The following TMEM53 variants were observed in gnomAD, a reference collection of about 807,000 sequenced individuals.
TMEM53 encodes transmembrane protein 53, also known as novel DUF829 domain-containing protein.
Under a neutral mutation model 21.4 loss-of-function variants are expected in TMEM53, and 14 were observed. The ratio of observed to expected loss-of-function variants is 0.65; its 90% CI spans 0.43 to 1.02. The LOEUF (loss-of-function observed/expected upper bound fraction) is 1.02. Among genes scored for constraint, TMEM53 ranks in the 50% least tolerant of loss-of-function variants. TMEM53 has a pLI of 0.00. For missense variants in TMEM53, 323 were observed against 383.6 expected (o/e 0.84, Z 1.32); for synonymous variants, 148 against 157.4 (o/e 0.94, Z 0.45).
chr1:44,661,349 G>A (rs1644900423), intron 1 of TMEM53, among the ~76,000 whole-genome samples: 1 of 151,880 alleles, frequency 6.6e-6, no homozygotes, highest in Non-Finnish European at 1.5e-5. Context: ...TCCTGCCTCG[G>A]CCTACTGAGT....
intron 1 of TMEM53, 28 bp from the exon 2 acceptor site, chr1:44,660,323 C>T: frequency 6.2e-7 from 1 of 1,601,236 alleles, no homozygotes. Context: ...ACTGTCAACA[C>T]CAGAGCTGGG....
At chr1:44,665,468 C>G (rs1644940758) in intron 1 of TMEM53, among the ~76,000 whole-genome samples, 1 of 152,024 alleles carries the variant, frequency 6.6e-6, no homozygotes, top group Non-Finnish European at 1.5e-5. Flanking sequence ...GAAACCCCGT[C>G]TCTACTAAAT....
In TMEM53 at chr1:44,655,731, G is replaced by C. The variant is rs1644843633; in HGVS notation, c.184-522C>G. 6.6e-6 allele frequency among the ~76,000 whole-genome samples: 1 copy of C among 152,072 alleles called. No homozygotes were observed. Among genetic ancestry groups the C allele is most frequent in the South Asian group, 2.1e-4 (1 of 4,826 alleles). On this transcript the variant is annotated intron_variant, in intron 2 of 2. Coordinates refer to ENST00000372237, the MANE Select transcript of TMEM53 (RefSeq NM_024587.4). This position sits in a 1 kb window ranked among gnomAD's most constrained non-coding sequence, Gnocchi z 4.4. Reference sequence around the variant, plus strand: ...CTGCAGGCGCCAGCCCTGACCACCAGAGGCCACTTCTGAGCCAGGCCCACA... The same window carrying C: ...CTGCAGGCGCCAGCCCTGACCACCACAGGCCACTTCTGAGCCAGGCCCACA...
rs921519245 is a variant in TMEM53 at position 44,660,202 on chromosome 1, G to A, written c.155C>T (p.Ala52Val). The A allele has an allele frequency of 1.2e-6, 2 of 1,614,084 alleles. No individual in the cohort carries two copies. The highest frequency in any genetic ancestry group is 2.7e-5 in the African/African-American group (2 of 75,030). ...TTTGTGGTAGATGGCACTGTACTTGGCAAGGTTCTTGTCCTTGCAGCCACC... is the reference window on the plus strand; with the variant it reads ...TTTGTGGTAGATGGCACTGTACTTGACAAGGTTCTTGTCCTTGCAGCCACC... Reference protein sequence around the residue: ...GWGGCKDKNLAKYSAIYHKRG... With the variant: ...GWGGCKDKNLVKYSAIYHKRG... The change falls in exon 2 of 3, where the codon GCC becomes GTC. Residue 52 changes from alanine to valine, a missense_variant. Ala to Val is a moderately conservative substitution (Grantham distance 64, BLOSUM62 0). Coordinates refer to ENST00000372237, the MANE Select transcript of TMEM53 (RefSeq NM_024587.4).
At position 44,654,958 on chromosome 1, in the gene TMEM53, A is replaced by T. The variant is rs1162206803; in HGVS notation, c.435T>A (p.Ala145=). The T allele has an allele frequency of 1.2e-6, 2 of 1,613,878 alleles. No individual in the cohort carries two copies. Among genetic ancestry groups the T allele is most frequent in the South Asian group, 2.2e-5 (2 of 91,064 alleles). The change falls in exon 3 of 3, where the codon GCT becomes GCA. Residue 145 remains alanine (A), a synonymous_variant. Coordinates refer to ENST00000372237, the MANE Select transcript of TMEM53 (RefSeq NM_024587.4). The surrounding 1 kb of genome is among the most constrained non-coding windows in gnomAD (Gnocchi z 7.0). ...CCCCTACCAGGTTGCTGTCACCAGGAGCGCTGTCAAAGATGGTGCCCACCA... is the reference window on the plus strand; with the variant it reads ...CCCCTACCAGGTTGCTGTCACCAGGTGCGCTGTCAAAGATGGTGCCCACCA... ...LRVVGTIFDS[A]PGDSNLVGAL...
At chr1:44,668,456 A>C (rs1644968686) in intron 1 of TMEM53, among the ~76,000 whole-genome samples, 1 of 152,136 alleles carries the variant, frequency 6.6e-6, no homozygotes, top group African/African-American at 2.4e-5. Flanking sequence ...AAAATAAAAT[A>C]ACATGCAAAA....
chr1:44,661,825 C>T (rs961157945), intron 1 of TMEM53, among the ~76,000 whole-genome samples: 2 of 152,198 alleles, frequency 1.3e-5, no homozygotes, highest in Admixed American at 6.5e-5. Context: ...ACAAACCAGC[C>T]GCCACCACCA....
At chr1:44,673,669 A>G in intron 1 of TMEM53, 1 of 184,510 alleles carries the variant, frequency 5.4e-6, no homozygotes, top group Non-Finnish European at 1.0e-5. Context: ...GGCCCTTTAC[A>G]CAATCTCCAG....
chr1:44,669,568 T>C (rs1644980760), intron 1 of TMEM53, among the ~76,000 whole-genome samples: 1 of 152,202 alleles, frequency 6.6e-6, no homozygotes, highest in South Asian at 2.1e-4. Flanking sequence ...GTTCTTCATC[T>C]GTAAAACAGG....
intron 1 of TMEM53, chr1:44,673,788 A>G (rs2148542597): frequency 1.1e-6 from 1 of 932,762 alleles, no homozygotes; most frequent in East Asian, 1.2e-4. Context: ...CAGCTCCTAA[A>G]GGAAGGAGTC....
At chr1:44,663,372 C>G (rs1280295115) in intron 1 of TMEM53, among the ~76,000 whole-genome samples, 1 of 152,218 alleles carries the variant, frequency 6.6e-6, no homozygotes, top group African/African-American at 2.4e-5. Flanking sequence ...TCCTGAGTAG[C>G]TGGGACTATA....
In TMEM53 at chr1:44,654,724, G is replaced by T. The variant is rs756275182; in HGVS notation, c.669C>A (p.Val223=). The T allele has an allele frequency of 8.1e-6, 13 of 1,614,028 alleles. No individual in the cohort carries two copies. In the African/African-American group the frequency reaches 1.2e-4, roughly 15 times the overall value. Residue 223 remains valine, a synonymous_variant, in exon 3 of 3, where the codon GTC becomes GTA. Coordinates refer to ENST00000372237, the MANE Select transcript of TMEM53 (RefSeq NM_024587.4). The surrounding 1 kb of genome is among the most constrained non-coding windows in gnomAD (Gnocchi z 7.0). ...LYLYSRADEV[V]LARDIERMVE... ...CCATGCGTTCTATGTCTCTGGCCAG[G>T]ACTACTTCGTCAGCCCTCGAGTAGA...
At chr1:44,674,154 G>T (rs938191806) in intron 1 of TMEM53, 177 bp downstream of exon 1, 1 of 985,292 alleles carries the variant, frequency 1.0e-6, no homozygotes, top group African/African-American at 1.7e-5. Context: ...CTCTGGGGCG[G>T]GACTTACGAG....
intron 1 of TMEM53, among the ~76,000 whole-genome samples, chr1:44,667,397 T>C (rs1644958906): frequency 6.6e-6 from 1 of 150,704 alleles, no homozygotes; most frequent in Non-Finnish European, 1.5e-5. Flanking sequence ...AACCTTCGCC[T>C]TCCAGGTTCA....
chr1:44,659,855 CTTTTTT>C (rs35618807), intron 2 of TMEM53, among the ~76,000 whole-genome samples: 3 of 106,940 alleles, frequency 2.8e-5, no homozygotes, highest in African/African-American at 8.0e-5. Context: ...TCCTCACAGG[CTTTTTT>C]TTTTTTTTTT....
chr1:44,674,082 GAA>G, intron 1 of TMEM53: 4 of 985,446 alleles, frequency 4.1e-6, no homozygotes, highest in Non-Finnish European at 4.8e-6. Flanking sequence ...AGGAAAGACA[GAA>G]AAAGAGGTCC....
intron 1 of TMEM53, among the ~76,000 whole-genome samples, chr1:44,664,907 T>C (rs1207894254): frequency 6.6e-6 from 1 of 152,110 alleles, no homozygotes; most frequent in Non-Finnish European, 1.5e-5. Flanking sequence ...CAGCGCCCAC[T>C]ATCCGGACCA....
rs764354377 is a variant in TMEM53, at chr1:44,654,979, C to T, written c.414G>A (p.Val138=). 6.2e-7 allele frequency: 1 copy of T among 1,613,910 alleles called. No homozygotes were observed. Among genetic ancestry groups the T allele is most frequent in the South Asian group, 1.1e-5 (1 of 91,060 alleles). Residue 138 remains valine (V), a synonymous_variant, in exon 3 of 3, where the codon GTG becomes GTA. Transcript: ENST00000372237. The surrounding 1 kb of genome is among the most constrained non-coding windows in gnomAD (Gnocchi z 7.0). ...CAGGAGCGCTGTCAAAGATGGTGCC[C>T]ACCACACGCAGGCGGCAGAAGCGAC... is the stretch of plus-strand genomic sequence containing the variant. ...QTRRFCRLRV[V]GTIFDSAPGD...
intron 1 of TMEM53, among the ~76,000 whole-genome samples, chr1:44,668,089 A>G (rs1644964672): frequency 6.6e-6 from 1 of 152,204 alleles, no homozygotes; most frequent in Non-Finnish European, 1.5e-5. Context: ...TCTGCAGTAC[A>G]ATATGTACTT....
Sources: allele counts gnomAD v4.1 joint callset (sites outside exome capture counted in the v4.1 genomes callset), GRCh38; gene constraint gnomAD v4.1.1; non-coding constraint Gnocchi (gnomAD v3.1); transcripts MANE v1.5; gene names NCBI Gene and HGNC (gene_info 2026-07-23, HGNC 2026-07-21).